Variants in SCN9A observed in about 807,000 individuals in gnomAD.
SCN9A encodes the protein sodium channel protein type 9 subunit alpha.
SCN9A carries 131 observed loss-of-function variants against 187.0 expected under a neutral mutation model. The observed-to-expected ratio is 0.70, with a 90% confidence interval of 0.61 to 0.81. The LOEUF is 0.81. Among genes scored for constraint, SCN9A ranks in the 30% least tolerant of loss-of-function variants. The probability of loss-of-function intolerance (pLI) is 0.00; values close to 1 mark genes in which losing one functional copy is unlikely to be tolerated. For missense variants in SCN9A, 2,252 were observed against 2,396.6 expected (o/e 0.94, Z 1.26); for synonymous variants, 809 against 808.6 (o/e 1.00, Z -0.01).
At chr2:166,214,803 C>T (rs972312382) in intron 24 of SCN9A, among the ~76,000 whole-genome samples, 6 of 151,796 alleles carry the variant, frequency 4.0e-5, no homozygotes, top group East Asian at 1.9e-4. Flanking sequence ...CGTGAGCCAC[C>T]GCGCCCGGCC....
intron 9 of SCN9A, among the ~76,000 whole-genome samples, chr2:166,289,895 T>C (rs971343354): frequency 6.6e-6 from 1 of 152,150 alleles, no homozygotes; most frequent in Non-Finnish European, 1.5e-5. Flanking sequence ...TAATGGCCAG[T>C]GATGATGAGC....
chr2:166,363,320 AC>A (rs1455622291), intron 1 of SCN9A, among the ~76,000 whole-genome samples: 1 of 151,990 alleles, frequency 6.6e-6, no homozygotes, highest in South Asian at 2.1e-4. Flanking sequence ...AGTATTAAGC[AC>A]CTTCTCTGTG....
intron 17 of SCN9A, among the ~76,000 whole-genome samples, chr2:166,270,658 T>C (rs1028605035): frequency 2.6e-5 from 4 of 151,740 alleles, no homozygotes; most frequent in Non-Finnish European, 4.4e-5. Context: ...AGAGTCTCAC[T>C]CTGTAGTCCA....
chr2:166,210,628 A>G (rs962924006), intron 24 of SCN9A, among the ~76,000 whole-genome samples: 1 of 151,484 alleles, frequency 6.6e-6, no homozygotes, highest in Non-Finnish European at 1.5e-5. Context: ...GTGGAACAAT[A>G]TATGCATTAT....
chr2:166,316,649 G>C (rs1324867922), intron 1 of SCN9A, among the ~76,000 whole-genome samples: 1 of 152,224 alleles, frequency 6.6e-6, no homozygotes, highest in Admixed American at 6.5e-5. Flanking sequence ...AGCCAAGATC[G>C]TGCCACTGCA....
chr2:166,227,844 A>G lies in SCN9A; in HGVS notation c.4207-121T>C, dbSNP rs1174997550. ...AAGTAATACTAGTAAGTTTTGCTGTATTCAACATGTCCATTTAATGTAAAG... is the reference window on the plus strand; with the variant it reads ...AAGTAATACTAGTAAGTTTTGCTGTGTTCAACATGTCCATTTAATGTAAAG... On this transcript the variant is annotated intron_variant, in intron 22 of 26. Transcript: ENST00000642356. The G allele has an allele frequency of 7.6e-6, 5 of 657,186 alleles. No individual in the cohort carries two copies. The Admixed American group carries it at 8.4e-5, about 11-fold the overall frequency. The allele number at this position is 657,186 out of a possible 1,614,324, so 40.7% of individuals were successfully genotyped here. A position where few individuals can be genotyped will look rare whatever the true frequency, so the allele number is the denominator to read the frequency against.
chr2:166,322,240 T>C (rs963257751), intron 1 of SCN9A, among the ~76,000 whole-genome samples: 1 of 152,198 alleles, frequency 6.6e-6, no homozygotes, highest in Non-Finnish European at 1.5e-5. Context: ...AAATCTTTAA[T>C]ATACAGCTCG....
chr2:166,197,279 TA>T lies in SCN9A; in HGVS notation c.*1392del, dbSNP rs1693273018. 6.6e-6 allele frequency: 1 copy of T among 152,100 alleles called. No individual in the cohort carries two copies. The highest frequency in any genetic ancestry group is 1.9e-4 in the East Asian group (1 of 5,188). The allele number at this position is 152,100 out of a possible 1,614,324, so 9.4% of individuals were successfully genotyped here. On this transcript the variant is annotated 3_prime_UTR_variant, in exon 27 of 27. Transcript: ENST00000642356. ...TTATTTCTTTTCAAATTACTATTAA[TA>T]GGTGTTTTCAAAAAACTAGATGTCT...
intron 24 of SCN9A, among the ~76,000 whole-genome samples, chr2:166,209,757 A>T (rs1693993951): frequency 6.6e-6 from 1 of 151,566 alleles, no homozygotes; most frequent in South Asian, 2.1e-4. Flanking sequence ...CCGCAATGAG[A>T]TACCATCTCA....
At chr2:166,349,294 C>G (rs1699977474) in intron 1 of SCN9A, among the ~76,000 whole-genome samples, 1 of 152,184 alleles carries the variant, frequency 6.6e-6, no homozygotes. Context: ...TGTATACACT[C>G]TTTCTCTATT....
Position 166,303,222 on chromosome 2 carries a change from T to A in SCN9A, c.769A>T (p.Ser257Cys). Residue 257 changes from serine to cysteine, a missense_variant, in exon 7 of 27, where the codon AGT (serine) becomes TGT (cysteine). Ser to Cys is a moderately radical substitution (Grantham distance 112, BLOSUM62 -1). Around this residue, in one of 7 missense-constraint regions of SCN9A, gnomAD observed 1,013 missense variants for 997.4 expected, o/e 1.02. Coordinates refer to ENST00000642356, the MANE Select transcript of SCN9A (RefSeq NM_001365536.1). The part of the protein sequence containing the change: ...DVMILTVFCL[S>C]VFALIGLQLF... The stretch of plus-strand genomic sequence containing the variant: ...TGTAGTCCAATTAGTGCAAACACAC[T>A]CAGACAGAACACAGTCAGGATCATG... 6.2e-7 allele frequency: 1 copy of A among 1,613,706 alleles called. No homozygotes were observed. Among genetic ancestry groups the A allele is most frequent in the Non-Finnish European group, 8.5e-7 (1 of 1,179,758 alleles).
intron 1 of SCN9A, among the ~76,000 whole-genome samples, chr2:166,359,885 T>C (rs1481801930): frequency 6.6e-6 from 1 of 151,366 alleles, no homozygotes; most frequent in East Asian, 1.9e-4. Context: ...GAAGTTAGTC[T>C]TATGTATAGC....
At position 166,197,347 on chromosome 2, in the gene SCN9A, C is replaced by T. The variant is rs1312904972; in HGVS notation, c.*1325G>A. On this transcript the variant is annotated 3_prime_UTR_variant, in exon 27 of 27. Coordinates refer to ENST00000642356, the MANE Select transcript of SCN9A (RefSeq NM_001365536.1). Reference sequence around the variant, plus strand: ...GAATATGTGCTTGATAAATTAGAAGCCCATGGTACTGTGTTGATTGAGGCA... The same window carrying T: ...GAATATGTGCTTGATAAATTAGAAGTCCATGGTACTGTGTTGATTGAGGCA... 1 of 152,010 alleles carries T rather than the reference C, an allele frequency of 6.6e-6. No individual in the cohort carries two copies. The highest frequency in any genetic ancestry group is 1.5e-5 in the Non-Finnish European group (1 of 67,968). The allele number at this position is 152,010 out of a possible 1,614,324, so 9.4% of individuals were successfully genotyped here. A position where few individuals can be genotyped will look rare whatever the true frequency, so the allele number is the denominator to read the frequency against.
intron 1 of SCN9A, among the ~76,000 whole-genome samples, chr2:166,366,553 T>G (rs568330046): frequency 1.3e-3 from 194 of 152,322 alleles, no homozygotes; most frequent in African/African-American, 4.4e-3. Flanking sequence ...ATTTTTAATT[T>G]TTTGAGGAAC....
At chr2:166,240,609 GC>G (rs773996922) in intron 19 of SCN9A, among the ~76,000 whole-genome samples, 1 of 152,144 alleles carries the variant, frequency 6.6e-6, no homozygotes, top group Non-Finnish European at 1.5e-5. Context: ...GGAATACATT[GC>G]ATGGTAGACA....
chr2:166,230,720 C>CA (rs1198282415), intron 21 of SCN9A, among the ~76,000 whole-genome samples: 7 of 152,164 alleles, frequency 4.6e-5, no homozygotes, highest in Admixed American at 4.6e-4. Flanking sequence ...CTCTTGTAAC[C>CA]ATTGACCCTA....
intron 26 of SCN9A, among the ~76,000 whole-genome samples, 197 bp from the exon 27 acceptor site, chr2:166,200,061 G>A (rs969021293): frequency 3.7e-4 from 46 of 124,618 alleles, no homozygotes; most frequent in African/African-American, 1.4e-3. Flanking sequence ...GCAGTGGCGC[G>A]ATCTCGGCTC....
At chr2:166,309,623 A>C (rs1038546290) in intron 2 of SCN9A, among the ~76,000 whole-genome samples, 1 of 151,922 alleles carries the variant, frequency 6.6e-6, no homozygotes, top group African/African-American at 2.4e-5. Flanking sequence ...ATGGAAGAAC[A>C]TTCCATGCTC....
chr2:166,375,469 C>T (rs1456287328), intron 1 of SCN9A, among the ~76,000 whole-genome samples: 1 of 152,210 alleles, frequency 6.6e-6, no homozygotes, highest in East Asian at 1.9e-4. Context: ...CGCACAGGAG[C>T]TGCCCAGCTA....
Sources: allele counts gnomAD v4.1 joint callset (sites outside exome capture counted in the v4.1 genomes callset), GRCh38; gene constraint gnomAD v4.1.1; regional missense constraint gnomAD v4.1.1; transcripts MANE v1.5; gene names NCBI Gene and HGNC (gene_info 2026-07-23, HGNC 2026-07-21).